Variants in EIF2AK2 observed in about 807,000 individuals in gnomAD.
EIF2AK2 encodes the protein eukaryotic translation initiation factor 2 alpha kinase 2, also known as interferon-induced, double-stranded RNA-activated protein kinase.
EIF2AK2 carries 40 observed loss-of-function variants against 70.5 expected under a neutral mutation model. The ratio of observed to expected loss-of-function variants is 0.57; its 90% CI spans 0.44 to 0.74. EIF2AK2 has a LOEUF of 0.74. Ranked by LOEUF, EIF2AK2 falls within the 30% of genes least tolerant of loss-of-function variation. EIF2AK2 has a pLI of 0.00. For missense variants in EIF2AK2, 555 were observed against 644.3 expected, an observed-to-expected ratio of 0.86 and a Z score of 1.50; for synonymous variants, 198 against 220.9, an observed-to-expected ratio of 0.90 and a Z score of 0.92.
chr2:37,156,102 C>A (rs750691940), intron 1 of EIF2AK2, among the ~76,000 whole-genome samples: 3 of 152,000 alleles, frequency 2.0e-5, no homozygotes, highest in Non-Finnish European at 4.4e-5. Context: ...GCATGGGAAG[C>A]AGTGCAGGAT....
intron 9 of EIF2AK2, among the ~76,000 whole-genome samples, 185 bp from the exon 10 acceptor site, chr2:37,135,731 G>A (rs987418790): frequency 1.3e-5 from 2 of 152,080 alleles, no homozygotes; most frequent in East Asian, 1.9e-4. Flanking sequence ...TGGGCTCAGA[G>A]GAGATCCTCC....
At chr2:37,123,063 G>A (rs1224148666) in intron 11 of EIF2AK2, among the ~76,000 whole-genome samples, 1 of 151,938 alleles carries the variant, frequency 6.6e-6, no homozygotes, top group Non-Finnish European at 1.5e-5. Context: ...AGCTACTTGG[G>A]AGGCTGAGGC....
rs1675650143 is a variant in EIF2AK2, at chr2:37,148,910, T to G, written c.-70A>C. ...GCAGATAATCACGGAAGTGTGGATG[T>G]TGATTCTGAAGACCGCCAGAGAAGC... On this transcript the variant is annotated 5_prime_UTR_variant, in exon 2 of 17. Transcript: ENST00000233057. 3.6e-6 allele frequency: 3 copies of G among 826,614 alleles called. No homozygotes were observed. The highest frequency in any genetic ancestry group is 6.5e-6 in the Non-Finnish European group (3 of 461,580). 51.2% of individuals were successfully genotyped at this position (826,614 alleles called of 1,614,324 possible). A position where few individuals can be genotyped will look rare whatever the true frequency, so the allele number is the denominator to read the frequency against.
intron 11 of EIF2AK2, among the ~76,000 whole-genome samples, chr2:37,123,245 A>G (rs1213298561): frequency 6.6e-6 from 1 of 152,126 alleles, no homozygotes; most frequent in African/African-American, 2.4e-5. Flanking sequence ...TACTCTTGAA[A>G]TGCCAGTGAT....
chr2:37,132,104 C>T (rs1674961378), intron 10 of EIF2AK2, among the ~76,000 whole-genome samples: 1 of 152,160 alleles, frequency 6.6e-6, no homozygotes, highest in Non-Finnish European at 1.5e-5. Context: ...AGCCACATTT[C>T]TTTAGGGAAC....
chr2:37,136,895 G>T, intron 9 of EIF2AK2, 88 bp downstream of exon 9: 2 of 1,236,280 alleles, frequency 1.6e-6, no homozygotes, highest in Non-Finnish European at 2.2e-6. Context: ...AAATAAGGGT[G>T]TACAATACTC....
chr2:37,147,897 G>A, intron 2 of EIF2AK2, 75 bp from the exon 3 acceptor site: 1 of 1,002,566 alleles, frequency 1.0e-6, no homozygotes, highest in Non-Finnish European at 1.5e-6. Flanking sequence ...TGCAGTTTAG[G>A]AGACAGAGGG....
intron 5 of EIF2AK2, among the ~76,000 whole-genome samples, chr2:37,141,013 A>T (rs1675311640): frequency 6.6e-6 from 1 of 152,196 alleles, no homozygotes; most frequent in Non-Finnish European, 1.5e-5. Context: ...GTTCTCAGTA[A>T]CTTTGAAACT....
intron 4 of EIF2AK2, among the ~76,000 whole-genome samples, chr2:37,142,752 T>C (rs78137827): frequency 0.03 from 4,500 of 152,292 alleles, 97 homozygotes; most frequent in Middle Eastern, 0.054. Flanking sequence ...GGCCCTCTGG[T>C]GTCTAAAATG....
chr2:37,154,735 T>C (rs1675863568), intron 1 of EIF2AK2, among the ~76,000 whole-genome samples: 1 of 152,088 alleles, frequency 6.6e-6, no homozygotes, highest in Non-Finnish European at 1.5e-5. Flanking sequence ...TAATTTTTTA[T>C]ATTTTTAGTA....
At chr2:37,129,127 G>A (rs971870601) in intron 10 of EIF2AK2, among the ~76,000 whole-genome samples, 7 of 151,144 alleles carry the variant, frequency 4.6e-5, no homozygotes, top group East Asian at 2.0e-4. Context: ...TCCTAAATGC[G>A]ACCTTCCATG....
chr2:37,138,156 A>T (rs534379193), intron 8 of EIF2AK2, 114 bp downstream of exon 8: 1 of 715,950 alleles, frequency 1.4e-6, no homozygotes, highest in Admixed American at 3.1e-5. Flanking sequence ...ATTTAGTAAG[A>T]GTGCATAAGA....
intron 1 of EIF2AK2, among the ~76,000 whole-genome samples, chr2:37,153,212 T>A (rs1675805880): frequency 6.6e-6 from 1 of 152,118 alleles, no homozygotes; most frequent in Non-Finnish European, 1.5e-5. Flanking sequence ...TGCCTTTAAG[T>A]ACATTCACAA....
At chr2:37,141,275 C>G (rs1442783155) in intron 5 of EIF2AK2, among the ~76,000 whole-genome samples, 1 of 152,184 alleles carries the variant, frequency 6.6e-6, no homozygotes, top group Non-Finnish European at 1.5e-5. Context: ...CAGTGGCACC[C>G]TGTACTCTCT....
chr2:37,111,031 G>A (rs1194924079), intron 14 of EIF2AK2, among the ~76,000 whole-genome samples: 1 of 152,174 alleles, frequency 6.6e-6, no homozygotes. Flanking sequence ...ATATTATGCT[G>A]AGTAAAATAA....
At chr2:37,116,930 G>C (rs1483628939) in intron 13 of EIF2AK2, among the ~76,000 whole-genome samples, 1 of 152,138 alleles carries the variant, frequency 6.6e-6, no homozygotes, top group East Asian at 1.9e-4. Flanking sequence ...AGAAAAAGTG[G>C]GCAGGGCGTG....
chr2:37,132,504 G>C (rs1301403926), intron 10 of EIF2AK2, among the ~76,000 whole-genome samples: 1 of 152,134 alleles, frequency 6.6e-6, no homozygotes, highest in African/African-American at 2.4e-5. Flanking sequence ...CAGGAGAATC[G>C]CTTGAACCCC....
intron 14 of EIF2AK2, among the ~76,000 whole-genome samples, chr2:37,113,916 T>C (rs1483170862): frequency 6.6e-6 from 1 of 152,192 alleles, no homozygotes; most frequent in Non-Finnish European, 1.5e-5. Flanking sequence ...AAGTTTGAAA[T>C]GCACTGGTCA....
At chr2:37,141,888 C>T (rs958707352) in intron 4 of EIF2AK2, among the ~76,000 whole-genome samples, 187 bp from the exon 5 acceptor site, 6 of 152,032 alleles carry the variant, frequency 3.9e-5, no homozygotes, top group Admixed American at 6.6e-5. Flanking sequence ...AAAAAATCGA[C>T]GAAGATAGAT....
Sources: allele counts gnomAD v4.1 joint callset (sites outside exome capture counted in the v4.1 genomes callset), GRCh38; gene constraint gnomAD v4.1.1; transcripts MANE v1.5; gene names NCBI Gene and HGNC (gene_info 2026-07-23, HGNC 2026-07-21).